GRAMD1C: variants seen among roughly 807,000 people sequenced by gnomAD.
GRAMD1C encodes the protein GRAM domain containing 1C.
GRAMD1C carries 89 observed loss-of-function variants against 97.8 expected under a neutral mutation model. The ratio of observed to expected loss-of-function variants is 0.91; its 90% CI spans 0.77 to 1.09. GRAMD1C has a LOEUF of 1.09. GRAMD1C is among the 50% of genes least tolerant of loss of function. The pLI, the probability that GRAMD1C is intolerant of heterozygous loss-of-function variation, is 0.00. For missense variants in GRAMD1C, 740 were observed against 766.4 expected (o/e 0.97, Z 0.41); for synonymous variants, 256 against 267.0 (o/e 0.96, Z 0.40).
chr3:113,926,255 T>G (rs1464122434), intron 10 of GRAMD1C, among the ~76,000 whole-genome samples: 1 of 152,212 alleles, frequency 6.6e-6, no homozygotes. Context: ...TTTTTTATTC[T>G]TTTTTCTTTA....
intron 3 of GRAMD1C, among the ~76,000 whole-genome samples, chr3:113,871,417 C>T (rs978167885): frequency 6.6e-6 from 1 of 151,982 alleles, no homozygotes; most frequent in Non-Finnish European, 1.5e-5. Flanking sequence ...CCTGTAATCC[C>T]AACACTTTGG....
rs954690190 is a variant in GRAMD1C, at chr3:113,908,890, A to T, written c.790-68A>T. Reference sequence around the variant, plus strand: ...AATATTTCAAAGTATCTTTAATATTAAAGTTCTCACTGCAAAATCTAAGCT... The same window carrying T: ...AATATTTCAAAGTATCTTTAATATTTAAGTTCTCACTGCAAAATCTAAGCT... On this transcript the variant is annotated intron_variant, in intron 8 of 17. Transcript: ENST00000358160. The T allele has an allele frequency of 5.9e-6, 5 of 845,838 alleles. No individual in the cohort carries two copies. In the African/African-American group the frequency reaches 9.0e-5, roughly 15 times the overall value. The allele number at this position is 845,838 out of a possible 1,614,324, so 52.4% of individuals were successfully genotyped here. A position where few individuals can be genotyped will look rare whatever the true frequency, so the allele number is the denominator to read the frequency against.
At chr3:113,875,387 A>G (rs1253478013) in intron 3 of GRAMD1C, 97 bp from the exon 4 acceptor site, 4 of 666,244 alleles carry the variant, frequency 6.0e-6, no homozygotes, top group African/African-American at 1.8e-5. Flanking sequence ...ACTAATGAAC[A>G]AAAAGTGATG....
At chr3:113,846,303 A>G (rs1213948528) in intron 2 of GRAMD1C, among the ~76,000 whole-genome samples, 2 of 152,044 alleles carry the variant, frequency 1.3e-5, no homozygotes, top group Admixed American at 6.6e-5. Context: ...ACGGGGTTTC[A>G]TCATGTTGGC....
upstream of GRAMD1C, among the ~76,000 whole-genome samples, chr3:113,835,820 T>C (rs77459335): frequency 0.018 from 2,669 of 152,298 alleles, 74 homozygotes; most frequent in African/African-American, 0.059. Flanking sequence ...GATCATACAG[T>C]GGCCTTGCTT....
At chr3:113,940,613 C>T (rs1459955390) in intron 17 of GRAMD1C, among the ~76,000 whole-genome samples, 1 of 151,646 alleles carries the variant, frequency 6.6e-6, no homozygotes, top group African/African-American at 2.4e-5. Context: ...AAGATGTTTC[C>T]ATATCAGTGT....
intron 12 of GRAMD1C, among the ~76,000 whole-genome samples, chr3:113,934,094 CACCTAGTGT>C (rs1174333187): frequency 1.3e-5 from 2 of 152,168 alleles, no homozygotes; most frequent in African/African-American, 2.4e-5. Context: ...TAGTTACTTT[CACCTAGTGT>C]ATGACCACTA....
rs1329791615 is a variant in GRAMD1C, at chr3:113,933,248, T to C, written c.1210-263T>C. ...GGTGTTTTTATATTGGCCAGGCTGGTCCCGAATTCCTGACCTTAAGCAATT... is the reference window on the plus strand; with the variant it reads ...GGTGTTTTTATATTGGCCAGGCTGGCCCCGAATTCCTGACCTTAAGCAATT... On this transcript the variant is annotated intron_variant, in intron 11 of 17. Coordinates refer to ENST00000358160, the MANE Select transcript of GRAMD1C (RefSeq NM_017577.5). Among the ~76,000 whole-genome samples the C allele has an allele frequency of 3.3e-5, 5 of 152,040 alleles. No homozygotes were observed. In the East Asian group the frequency reaches 5.8e-4, roughly 18 times the overall value.
At chr3:113,890,307 G>A (rs1935668159) in intron 6 of GRAMD1C, among the ~76,000 whole-genome samples, 1 of 152,220 alleles carries the variant, frequency 6.6e-6, no homozygotes, top group Admixed American at 6.5e-5. Context: ...GTCTGTGGGT[G>A]TTTGGATGCC....
At chr3:113,879,397 A>T (rs1935177829) in intron 5 of GRAMD1C, among the ~76,000 whole-genome samples, 1 of 151,866 alleles carries the variant, frequency 6.6e-6, no homozygotes, top group Non-Finnish European at 1.5e-5. Flanking sequence ...CCAGCACAAG[A>T]CCACCTTCAT....
chr3:113,843,265 C>T (rs573122140), intron 1 of GRAMD1C, among the ~76,000 whole-genome samples: 9 of 151,302 alleles, frequency 5.9e-5, no homozygotes, highest in Middle Eastern at 3.4e-3. Flanking sequence ...TTTGTAGAGA[C>T]GGGGTCTCAC....
chr3:113,880,498 G>C (rs1170390484), intron 5 of GRAMD1C, among the ~76,000 whole-genome samples: 2 of 151,986 alleles, frequency 1.3e-5, no homozygotes, highest in East Asian at 3.9e-4. Flanking sequence ...AAAAAATGCT[G>C]TATGGTATTT....
chr3:113,847,762 C>G (rs1027076729), intron 2 of GRAMD1C, among the ~76,000 whole-genome samples: 11 of 152,154 alleles, frequency 7.2e-5, no homozygotes, highest in African/African-American at 2.7e-4. Flanking sequence ...GAAAGGGGAT[C>G]ACTCGAGCCC....
At position 113,933,617 on chromosome 3, in the gene GRAMD1C, G is replaced by A; in HGVS notation, c.1316G>A (p.Cys439Tyr). Residue 439 changes from cysteine (C) to tyrosine (Y), a missense_variant, in exon 12 of 18, where the codon TGT (cysteine) becomes TAT (tyrosine). By Grantham distance (194) the Cys-to-Tyr change is radical. Coordinates refer to ENST00000358160, the MANE Select transcript of GRAMD1C (RefSeq NM_017577.5). The part of the protein sequence containing the change: ...HDYFYTVNRY[C>Y]IIRSSKQKCR... ...TACTTCTATACCGTGAACAGATACT[G>A]TATCATCCGATCTTCAAAACAGAAA... 1 of 1,607,032 alleles carries A rather than the reference G, an allele frequency of 6.2e-7. No homozygotes were observed. The highest frequency in any genetic ancestry group is 8.5e-7 in the Non-Finnish European group (1 of 1,173,700).
intron 8 of GRAMD1C, among the ~76,000 whole-genome samples, 185 bp from the exon 9 acceptor site, chr3:113,908,773 A>G (rs1477502856): frequency 1.3e-5 from 2 of 152,178 alleles, no homozygotes; most frequent in African/African-American, 4.8e-5. Context: ...GGTATATATT[A>G]TTTATTCATA....
chr3:113,939,941 G>A lies in GRAMD1C; in HGVS notation c.1747G>A (p.Glu583Lys), dbSNP rs1182917748. 1 of 1,611,376 alleles carries A rather than the reference G, an allele frequency of 6.2e-7. No individual in the cohort carries two copies. The highest frequency in any genetic ancestry group is 8.5e-7 in the Non-Finnish European group (1 of 1,177,546). The change falls in exon 16 of 18, where the codon GAA becomes AAA. Residue 583 changes from glutamate to lysine, a missense_variant. Glu to Lys is a moderately conservative substitution (Grantham distance 56). Coordinates refer to ENST00000358160, the MANE Select transcript of GRAMD1C (RefSeq NM_017577.5). ...VTLFLKLSKI[E>K]HAAQSFYRLR... Reference sequence around the variant, plus strand: ...ACTGTTTCTGAAGCTGTCAAAGATAGAACATGCTGCTCAGTCCTTTTACCG... The same window carrying A: ...ACTGTTTCTGAAGCTGTCAAAGATAAAACATGCTGCTCAGTCCTTTTACCG...
intron 6 of GRAMD1C, among the ~76,000 whole-genome samples, chr3:113,887,075 T>C (rs1456658913): frequency 1.4e-5 from 2 of 141,540 alleles, no homozygotes; most frequent in African/African-American, 2.6e-5. Flanking sequence ...CCACTGCGCC[T>C]GGCCTTTTTG....
chr3:113,901,005 T>C, intron 6 of GRAMD1C, 26 bp from the exon 7 acceptor site: 1 of 1,075,414 alleles, frequency 9.3e-7, no homozygotes, highest in Non-Finnish European at 1.4e-6. Context: ...TTTCCAATGC[T>C]CAGTGTAATT....
At chr3:113,908,689 A>C (rs1936453511) in intron 8 of GRAMD1C, among the ~76,000 whole-genome samples, 1 of 152,146 alleles carries the variant, frequency 6.6e-6, no homozygotes, top group Non-Finnish European at 1.5e-5. Flanking sequence ...TAAGTGATTT[A>C]CATGATCTGT....
Sources: allele counts gnomAD v4.1 joint callset (sites outside exome capture counted in the v4.1 genomes callset), GRCh38; gene constraint gnomAD v4.1.1; transcripts MANE v1.5; gene names NCBI Gene and HGNC (gene_info 2026-07-23, HGNC 2026-07-21).